Variants in DYM observed in about 807,000 individuals in gnomAD.
DYM encodes the protein dymeclin, also known as dyggve-Melchior-Clausen syndrome protein.
DYM carries 78 observed loss-of-function variants against 93.1 expected under a neutral mutation model. That is an observed-to-expected ratio of 0.84 (90% CI 0.70 to 1.01). DYM has a LOEUF of 1.01. DYM is among the 50% of genes least tolerant of loss of function. DYM has a pLI of 0.00. For synonymous variants in DYM, 321 were observed against 319.7 expected (o/e 1.00, Z -0.04); for missense variants, 789 against 845.0 (o/e 0.93, Z 0.82).
At chr18:49,250,536 G>A (rs1469637274) in intron 13 of DYM, among the ~76,000 whole-genome samples, 1 of 152,166 alleles carries the variant, frequency 6.6e-6, no homozygotes, top group Non-Finnish European at 1.5e-5. Context: ...AGATGAAGAG[G>A]GCCAAATGGG....
chr18:49,439,488 T>C (rs200749401), intron 1 of DYM, among the ~76,000 whole-genome samples: 134 of 152,316 alleles, frequency 8.8e-4, no homozygotes, highest in African/African-American at 3.1e-3. Flanking sequence ...AGGTAGATTA[T>C]TCCTGAGAGG....
chr18:49,157,564 G>A (rs944613418), intron 15 of DYM, among the ~76,000 whole-genome samples: 1 of 152,024 alleles, frequency 6.6e-6, no homozygotes. Context: ...GGCCACACAG[G>A]TCACAAGCCA....
intron 14 of DYM, among the ~76,000 whole-genome samples, chr18:49,196,610 T>C (rs1250509097): frequency 6.6e-6 from 1 of 151,568 alleles, no homozygotes; most frequent in African/African-American, 2.4e-5. Flanking sequence ...TCTGAGGAAG[T>C]GAAAAATGTA....
At chr18:49,333,030 A>G (rs1417990312) in intron 7 of DYM, among the ~76,000 whole-genome samples, 1 of 152,246 alleles carries the variant, frequency 6.6e-6, no homozygotes, top group South Asian at 2.1e-4. Context: ...TGCCACAGGA[A>G]TAATCAGGGT....
At chr18:49,287,023 T>C (rs2059711109) in intron 8 of DYM, among the ~76,000 whole-genome samples, 1 of 152,050 alleles carries the variant, frequency 6.6e-6, no homozygotes, top group Non-Finnish European at 1.5e-5. Flanking sequence ...AAACCCCATC[T>C]CTACTAAAAA....
At chr18:49,093,877 A>G (rs1300146796) in intron 17 of DYM, among the ~76,000 whole-genome samples, 1 of 152,218 alleles carries the variant, frequency 6.6e-6, no homozygotes, top group African/African-American at 2.4e-5. Context: ...ATGATTTTTT[A>G]TATTTTTCTT....
intron 13 of DYM, among the ~76,000 whole-genome samples, chr18:49,235,350 C>G (rs896468994): frequency 7.2e-5 from 11 of 151,986 alleles, no homozygotes; most frequent in African/African-American, 2.7e-4. Flanking sequence ...ACAGTTGAAC[C>G]TAAATCTGAC....
At chr18:49,442,492 A>C (rs1392799399) in intron 1 of DYM, among the ~76,000 whole-genome samples, 1 of 152,094 alleles carries the variant, frequency 6.6e-6, no homozygotes, top group East Asian at 1.9e-4. Context: ...TCAAGGCTGC[A>C]ATGAGCTGTG....
intron 2 of DYM, among the ~76,000 whole-genome samples, chr18:49,416,761 AAAT>A (rs1457569554): frequency 6.6e-6 from 1 of 152,170 alleles, no homozygotes; most frequent in African/African-American, 2.4e-5. Flanking sequence ...CTACTTAAAA[AAAT>A]AATGTCTCTG....
In DYM at chr18:49,341,136, C is replaced by A. The variant is rs137909556; in HGVS notation, c.495-7283G>T. On this transcript the variant is annotated intron_variant, in intron 6 of 17. Coordinates refer to ENST00000675505, the MANE Select transcript of DYM (RefSeq NM_001353214.3). ...ACCAAAAAAATCCTAGACCAAATTT[C>A]ATGACAAAAAATAGAAAGTAAAAAA... 2.3e-3 allele frequency among the ~76,000 whole-genome samples: 343 copies of A among 152,222 alleles called. 6 individuals carry two copies. The East Asian group carries it at 0.031, about 14-fold the overall frequency.
intron 17 of DYM, among the ~76,000 whole-genome samples, chr18:49,065,739 T>G (rs2076338185): frequency 6.6e-6 from 1 of 152,168 alleles, no homozygotes; most frequent in Non-Finnish European, 1.5e-5. Flanking sequence ...AAACAGGGCT[T>G]ATAAAATTAT....
At chr18:49,090,996 C>T (rs552559479) in intron 17 of DYM, among the ~76,000 whole-genome samples, 2 of 152,180 alleles carry the variant, frequency 1.3e-5, no homozygotes, top group East Asian at 3.9e-4. Flanking sequence ...ACAAAGTGAC[C>T]AAGACCTCCA....
At chr18:49,335,872 G>A (rs879339771) in intron 6 of DYM, among the ~76,000 whole-genome samples, 2 of 151,560 alleles carry the variant, frequency 1.3e-5, no homozygotes, top group Non-Finnish European at 2.9e-5. Flanking sequence ...GACACCTAGT[G>A]GCGCGATCTT....
intron 17 of DYM, among the ~76,000 whole-genome samples, chr18:49,056,704 A>AT (rs71165363): frequency 0.012 from 1,741 of 143,280 alleles, 9 homozygotes; most frequent in African/African-American, 0.019. Flanking sequence ...CAACTGGGTA[A>AT]TTTTTTTTTT....
chr18:49,276,357 A>C (rs1381344527), intron 10 of DYM, among the ~76,000 whole-genome samples: 1 of 151,816 alleles, frequency 6.6e-6, no homozygotes, highest in East Asian at 1.9e-4. Flanking sequence ...TGCTCTGTTG[A>C]TATGATGTAT....
intron 13 of DYM, among the ~76,000 whole-genome samples, chr18:49,211,340 G>C (rs2092774431): frequency 6.6e-6 from 1 of 152,010 alleles, no homozygotes; most frequent in South Asian, 2.1e-4. Flanking sequence ...CCACATTTCA[G>C]GCCATTTAAA....
At chr18:49,422,934 A>C (rs1399199640) in intron 2 of DYM, among the ~76,000 whole-genome samples, 2 of 152,200 alleles carry the variant, frequency 1.3e-5, no homozygotes, top group Non-Finnish European at 2.9e-5. Flanking sequence ...TTAGACTCCC[A>C]CACAATAATA....
chr18:49,291,518 G>A (rs1346069192), intron 8 of DYM, among the ~76,000 whole-genome samples: 1 of 152,066 alleles, frequency 6.6e-6, no homozygotes, highest in Non-Finnish European at 1.5e-5. Flanking sequence ...CCTAAATTTC[G>A]AGGTCCTCAA....
intron 8 of DYM, among the ~76,000 whole-genome samples, chr18:49,330,487 C>T (rs763887891): frequency 6.6e-6 from 1 of 152,070 alleles, no homozygotes; most frequent in Non-Finnish European, 1.5e-5. Context: ...AATGATACCA[C>T]ATGCAATACT....
Sources: allele counts gnomAD v4.1 joint callset (sites outside exome capture counted in the v4.1 genomes callset), GRCh38; gene constraint gnomAD v4.1.1; transcripts MANE v1.5; gene names NCBI Gene and HGNC (gene_info 2026-07-23, HGNC 2026-07-21).